The following ATXN7L1 variants were observed in gnomAD, a reference collection of about 807,000 sequenced individuals.
ATXN7L1 encodes ataxin 7 like 1.
In ATXN7L1, 15 loss-of-function variants were observed where a neutral mutation model predicts 70.8. That is an observed-to-expected ratio of 0.21 (90% confidence interval 0.14 to 0.33). The LOEUF (loss-of-function observed/expected upper bound fraction) is 0.33, where lower values mean the gene tolerates loss of function less well. Ranked by LOEUF, ATXN7L1 falls within the 10% of genes least tolerant of loss-of-function variation. The pLI is 1.00. For missense variants in ATXN7L1, 975 were observed against 1,097.1 expected (o/e 0.89, Z 1.57); for synonymous variants, 440 against 445.1 (o/e 0.99, Z 0.14).
At chr7:105,809,472 C>T (rs749844866) in intron 2 of ATXN7L1, among the ~76,000 whole-genome samples, 2 of 152,152 alleles carry the variant, frequency 1.3e-5, no homozygotes, top group Admixed American at 6.5e-5. Context: ...TCTGCTTCTA[C>T]GAGTCAACTG....
At chr7:105,644,947 C>T (rs1310682870) in intron 4 of ATXN7L1, among the ~76,000 whole-genome samples, 6 of 152,160 alleles carry the variant, frequency 3.9e-5, no homozygotes, top group African/African-American at 1.2e-4. Context: ...AATTCTGACA[C>T]GGGCAGGAGC....
intron 8 of ATXN7L1, among the ~76,000 whole-genome samples, chr7:105,622,436 C>T (rs996616834): frequency 3.9e-5 from 6 of 152,190 alleles, no homozygotes; most frequent in East Asian, 3.9e-4. Context: ...CTCCAGTTCC[C>T]GGCTGGCATG....
At chr7:105,810,619 A>G (rs940344502) in intron 2 of ATXN7L1, among the ~76,000 whole-genome samples, 6 of 152,182 alleles carry the variant, frequency 3.9e-5, no homozygotes, top group Admixed American at 1.3e-4. Context: ...GGGAAGAGCT[A>G]GTGCAAAGGT....
intron 3 of ATXN7L1, among the ~76,000 whole-genome samples, chr7:105,715,282 T>C (rs1370078024): frequency 6.6e-6 from 1 of 152,198 alleles, no homozygotes; most frequent in Admixed American, 6.5e-5. Context: ...ACCTTCCTCA[T>C]GTGGAGAATG....
rs1271043302 is a variant in ATXN7L1 at position 105,614,467 on chromosome 7, T to G, written c.1867A>C (p.Thr623Pro). 6.5e-7 allele frequency: 1 copy of G among 1,537,464 alleles called. No individual in the cohort carries two copies. The highest frequency in any genetic ancestry group is 1.4e-5 in the African/African-American group (1 of 72,312). Residue 623 changes from threonine to proline, a missense_variant, in exon 10 of 12, where the codon ACC (threonine) becomes CCC (proline). Thr to Pro is a conservative substitution (Grantham distance 38). Around this residue, in one of 5 missense-constraint regions of ATXN7L1, gnomAD observed 635 missense variants for 699.4 expected, o/e 0.91. Transcript: ENST00000419735. This position sits in a 1 kb window ranked among gnomAD's most constrained non-coding sequence, Gnocchi z 4.3. Reference sequence around the variant, plus strand: ...TCTTTGACTTTTGAGGATTTGCTGGTTTTGGTTTTGGATGGCTTGTGGGAT... The same window carrying G: ...TCTTTGACTTTTGAGGATTTGCTGGGTTTGGTTTTGGATGGCTTGTGGGAT... ...SPSHKPSKTK[T>P]SKSSKVKDLS...
intron 2 of ATXN7L1, among the ~76,000 whole-genome samples, chr7:105,857,942 A>C (rs1815979268): frequency 6.6e-6 from 1 of 152,154 alleles, no homozygotes; most frequent in South Asian, 2.1e-4. Flanking sequence ...GGAAAAAAAA[A>C]AGAATCATAG....
At chr7:105,662,622 C>T (rs1219993531) in intron 4 of ATXN7L1, among the ~76,000 whole-genome samples, 4 of 152,170 alleles carry the variant, frequency 2.6e-5, no homozygotes, top group Admixed American at 2.0e-4. Flanking sequence ...TGATCTTCCC[C>T]GAGCTCCCTG....
chr7:105,816,638 C>T (rs567329968), intron 2 of ATXN7L1, among the ~76,000 whole-genome samples: 1 of 152,350 alleles, frequency 6.6e-6, no homozygotes, highest in East Asian at 1.9e-4. Flanking sequence ...GCCACCTTCA[C>T]CATACCTGTT....
intron 3 of ATXN7L1, among the ~76,000 whole-genome samples, chr7:105,711,884 T>C (rs979777456): frequency 2.0e-5 from 3 of 152,268 alleles, no homozygotes; most frequent in African/African-American, 4.8e-5. Flanking sequence ...TGCACTGCCC[T>C]AGTAGAGGTT....
Position 105,788,615 on chromosome 7 carries a change from T to A in ATXN7L1, c.344A>T (p.Gln115Leu). The A allele has an allele frequency of 6.2e-7, 1 of 1,612,188 alleles. No individual in the cohort carries two copies. The highest frequency in any genetic ancestry group is 8.5e-7 in the Non-Finnish European group (1 of 1,178,240). Residue 115 changes from glutamine to leucine, a missense_variant, in exon 3 of 12, where the codon CAG (glutamine) becomes CTG (leucine). Physicochemically the swap from Gln to Leu is moderately radical, Grantham distance 113 (BLOSUM62 -2). Around this residue, in one of 5 missense-constraint regions of ATXN7L1, gnomAD observed 7 missense variants for 24.9 expected, o/e 0.28. Coordinates refer to ENST00000419735, the MANE Select transcript of ATXN7L1 (RefSeq NM_020725.2). ...AGGGGTCCACTTACCGCAGTGCGACTGGAAAACCTGTGGCTTGACGACCTG... is the reference window on the plus strand; with the variant it reads ...AGGGGTCCACTTACCGCAGTGCGACAGGAAAACCTGTGGCTTGACGACCTG... ...CNQVVKPQVFQSHCERRHGSM... is the reference protein window; with the variant it reads ...CNQVVKPQVFLSHCERRHGSM...
chr7:105,662,151 G>A (rs1801816305), intron 4 of ATXN7L1, among the ~76,000 whole-genome samples: 1 of 147,216 alleles, frequency 6.8e-6, no homozygotes, highest in Non-Finnish European at 1.5e-5. Context: ...TGCCCAGCCT[G>A]GAGTGCAATG....
chr7:105,831,646 A>G (rs1811623560), intron 2 of ATXN7L1, among the ~76,000 whole-genome samples: 1 of 152,262 alleles, frequency 6.6e-6, no homozygotes, highest in African/African-American at 2.4e-5. Flanking sequence ...ACAATGTGAT[A>G]GTCCTACAAT....
chr7:105,745,720 G>A (rs959651560), intron 3 of ATXN7L1, among the ~76,000 whole-genome samples: 2 of 152,232 alleles, frequency 1.3e-5, no homozygotes, highest in Non-Finnish European at 2.9e-5. Context: ...CTGTTGGGAG[G>A]GGCAGGAGGC....
chr7:105,872,880 C>T (rs1818477273), intron 2 of ATXN7L1, among the ~76,000 whole-genome samples: 2 of 151,226 alleles, frequency 1.3e-5, no homozygotes, highest in Admixed American at 1.3e-4. Context: ...ACCCGCCGGG[C>T]ACGGTGGCTC....
At chr7:105,720,174 G>A (rs929522079) in intron 3 of ATXN7L1, among the ~76,000 whole-genome samples, 4 of 152,152 alleles carry the variant, frequency 2.6e-5, no homozygotes, top group Admixed American at 2.0e-4. Context: ...TACCTCTCTG[G>A]ACAGCTTTCC....
At chr7:105,638,687 A>C in intron 6 of ATXN7L1, 78 bp from the exon 7 acceptor site, 1 of 1,449,416 alleles carries the variant, frequency 6.9e-7, no homozygotes, top group Non-Finnish European at 9.1e-7. Flanking sequence ...CCATTTCAGA[A>C]ATAGCAATTC....
At chr7:105,755,171 C>T (rs1370530728) in intron 3 of ATXN7L1, among the ~76,000 whole-genome samples, 4 of 152,162 alleles carry the variant, frequency 2.6e-5, no homozygotes, top group Non-Finnish European at 4.4e-5. Flanking sequence ...TCACCTAACT[C>T]ATTCATATTA....
At chr7:105,630,286 A>G (rs1484004917) in intron 7 of ATXN7L1, among the ~76,000 whole-genome samples, 1 of 152,228 alleles carries the variant, frequency 6.6e-6, no homozygotes, top group East Asian at 1.9e-4. Context: ...TCTTACTAAA[A>G]TAACAGTAAA....
At chr7:105,625,620 G>T (rs1021750179) in intron 7 of ATXN7L1, among the ~76,000 whole-genome samples, 11 of 152,190 alleles carry the variant, frequency 7.2e-5, no homozygotes, top group African/African-American at 2.7e-4. Flanking sequence ...GTGCTAAAGA[G>T]ATATTTTTTT....
Sources: allele counts gnomAD v4.1 joint callset (sites outside exome capture counted in the v4.1 genomes callset), GRCh38; gene constraint gnomAD v4.1.1; regional missense constraint gnomAD v4.1.1; non-coding constraint Gnocchi (gnomAD v3.1); transcripts MANE v1.5; gene names NCBI Gene and HGNC (gene_info 2026-07-23, HGNC 2026-07-21).